TP63: variants seen among roughly 807,000 people sequenced by gnomAD.
The protein encoded by TP63 is tumor protein 63.
Under a neutral mutation model 82.8 loss-of-function variants are expected in TP63, and 17 were observed. The ratio of observed to expected loss-of-function variants is 0.21; its 90% CI spans 0.14 to 0.31. TP63 has a LOEUF of 0.31. Ranked by LOEUF, TP63 falls within the 10% of genes least tolerant of loss-of-function variation. The pLI is 1.00. For missense variants in TP63, 648 were observed against 895.3 expected (o/e 0.72, Z 3.52); for synonymous variants, 330 against 321.7 (o/e 1.03, Z -0.28).
intron 1 of TP63, among the ~76,000 whole-genome samples, chr3:189,682,550 AAAAATAT>A (rs1248436229): frequency 2.0e-4 from 9 of 45,190 alleles, no homozygotes; most frequent in African/African-American, 8.2e-4. Context: ...AAAAAAAAAA[AAAAATAT>A]ATATATATAT....
chr3:189,703,335 G>C (rs911211339), intron 1 of TP63, among the ~76,000 whole-genome samples: 4 of 152,188 alleles, frequency 2.6e-5, no homozygotes, highest in African/African-American at 9.7e-5. Flanking sequence ...TCAGGAGGCT[G>C]AGGCAGGAGG....
intron 1 of TP63, among the ~76,000 whole-genome samples, chr3:189,654,773 T>C (rs937710201): frequency 1.3e-5 from 2 of 152,200 alleles, no homozygotes; most frequent in African/African-American, 4.8e-5. Context: ...GTGTGCTGAG[T>C]TTCACTCAGA....
At chr3:189,742,270 A>G (rs9290905) in intron 3 of TP63, among the ~76,000 whole-genome samples, 1 of 136,910 alleles carries the variant, frequency 7.3e-6, no homozygotes, top group Non-Finnish European at 1.5e-5. Flanking sequence ...AAAAAAAAAA[A>G]GTTACTTTAT....
At chr3:189,763,152 T>A (rs1020741663) in intron 3 of TP63, among the ~76,000 whole-genome samples, 2 of 152,106 alleles carry the variant, frequency 1.3e-5, no homozygotes, top group Non-Finnish European at 1.5e-5. Context: ...TGCATGCCTG[T>A]ATTCCCAACT....
chr3:189,798,112 T>G (rs1443646597), intron 3 of TP63, among the ~76,000 whole-genome samples: 3 of 152,056 alleles, frequency 2.0e-5, no homozygotes. Flanking sequence ...TAATGTTCCC[T>G]GAATGTGATG....
At chr3:189,689,251 G>C (rs1344905130) in intron 1 of TP63, among the ~76,000 whole-genome samples, 1 of 151,394 alleles carries the variant, frequency 6.6e-6, no homozygotes, top group Admixed American at 6.6e-5. Context: ...GAGTAGCTGG[G>C]ATTACAGGCA....
At chr3:189,732,454 A>T (rs1720242001) in intron 1 of TP63, among the ~76,000 whole-genome samples, 1 of 152,202 alleles carries the variant, frequency 6.6e-6, no homozygotes, top group Non-Finnish European at 1.5e-5. Flanking sequence ...TTTTTATGTG[A>T]CACTTTAAAA....
chr3:189,745,057 T>C (rs1721265961), intron 3 of TP63, among the ~76,000 whole-genome samples: 1 of 152,210 alleles, frequency 6.6e-6, no homozygotes, highest in African/African-American at 2.4e-5. Context: ...CAGTATATAC[T>C]GAGAATAAAA....
intron 1 of TP63, among the ~76,000 whole-genome samples, chr3:189,656,011 A>G (rs1713320421): frequency 6.6e-6 from 1 of 152,214 alleles, no homozygotes; most frequent in Non-Finnish European, 1.5e-5. Context: ...CTCTTGCCTT[A>G]TCCAGGTTTA....
In TP63 at chr3:189,896,185, A is replaced by G. The variant is rs569190613; in HGVS notation, c.*1683A>G. 4.6e-6 allele frequency: 1 copy of G among 219,774 alleles called. No homozygotes were observed. Among genetic ancestry groups the G allele is most frequent in the African/African-American group, 2.2e-5 (1 of 44,678 alleles). 13.6% of individuals were successfully genotyped at this position (219,774 alleles called of 1,614,324 possible). The stretch of plus-strand genomic sequence containing the variant: ...GCACATAAGCTTCCATTTTAATTTT[A>G]AAGTGCAAAAGGGCCAGCGTGGCTC... On this transcript the variant is annotated 3_prime_UTR_variant, in exon 14 of 14. Coordinates refer to ENST00000264731, the MANE Select transcript of TP63 (RefSeq NM_003722.5).
chr3:189,874,072 T>A (rs1718745428), intron 10 of TP63, among the ~76,000 whole-genome samples: 1 of 152,096 alleles, frequency 6.6e-6, no homozygotes, highest in Admixed American at 6.6e-5. Flanking sequence ...AAAGAGGGCT[T>A]ATGATTATTA....
At chr3:189,741,569 A>G (rs1191022034) in intron 3 of TP63, among the ~76,000 whole-genome samples, 1 of 152,216 alleles carries the variant, frequency 6.6e-6, no homozygotes, top group Non-Finnish European at 1.5e-5. Flanking sequence ...CTTAAATATA[A>G]TATTCATTAA....
In TP63 at chr3:189,812,730, T is replaced by TG. The variant is rs1370930375; in HGVS notation, c.579+4205dup. Among the ~76,000 whole-genome samples the TG allele has an allele frequency of 2.6e-5, 4 of 152,268 alleles. No individual in the cohort carries two copies. In the East Asian group the frequency reaches 7.7e-4, roughly 29 times the overall value. On this transcript the variant is annotated intron_variant, in intron 4 of 13. Coordinates refer to ENST00000264731, the MANE Select transcript of TP63 (RefSeq NM_003722.5). ...ACCTATTAGCACCTAGCTACTCATATGCTCCCAAGTGTTTATTGGGTCTGA... is the reference window on the plus strand; with the variant it reads ...ACCTATTAGCACCTAGCTACTCATATGGCTCCCAAGTGTTTATTGGGTCTGA...
intron 5 of TP63, 36 bp from the exon 6 acceptor site, chr3:189,866,646 A>G (rs1717760065): frequency 6.3e-7 from 1 of 1,576,864 alleles, no homozygotes; most frequent in Non-Finnish European, 8.7e-7. Flanking sequence ...TTTTTAAGGT[A>G]AAGAACTAAC....
chr3:189,742,333 A>G (rs1238679663), intron 3 of TP63, among the ~76,000 whole-genome samples: 1 of 151,014 alleles, frequency 6.6e-6, no homozygotes, highest in East Asian at 2.0e-4. Flanking sequence ...TCATGTCTTC[A>G]TGAGGTAGAT....
chr3:189,864,347 A>G lies in TP63; in HGVS notation c.695A>G (p.Lys232Arg). 8 of 1,614,166 alleles carry G rather than the reference A, an allele frequency of 5.0e-6. No homozygotes were observed. The highest frequency in any genetic ancestry group is 6.8e-6 in the Non-Finnish European group (8 of 1,180,020). Residue 232 changes from lysine to arginine, a missense_variant, in exon 5 of 14, where the codon AAA (lysine) becomes AGA (arginine). Lys to Arg is a conservative substitution (Grantham distance 26). Transcript: ENST00000264731. ...GTTATCCGCGCCATGCCTGTCTACA[A>G]AAAAGCTGAGCACGTCACGGAGGTG... ...GAVIRAMPVY[K>R]KAEHVTEVVK...
the TP63 span, among the ~76,000 whole-genome samples, chr3:189,625,163 T>G: frequency 1.3e-5 from 2 of 152,302 alleles, no homozygotes; most frequent in Non-Finnish European, 2.9e-5. Context: ...GCTAAGGTAC[T>G]TCCCTGGACC....
intron 3 of TP63, among the ~76,000 whole-genome samples, chr3:189,775,589 A>G (rs191666196): frequency 2.6e-5 from 4 of 152,282 alleles, no homozygotes; most frequent in African/African-American, 9.6e-5. Context: ...TTGGGCAACT[A>G]TTATACTTCT....
At position 189,631,465 on chromosome 3, in the gene TP63, T is replaced by C; in HGVS notation, c.-51T>C. ...CTATATATACACAGGTATATGTGTA[T>C]ATTTTATATAATTGTTCTCCGTTCG... On this transcript the variant is annotated 5_prime_UTR_variant, in exon 1 of 14. Transcript: ENST00000264731. 2 of 1,610,806 alleles carry C rather than the reference T, an allele frequency of 1.2e-6. No homozygotes were observed. Among genetic ancestry groups the C allele is most frequent in the Non-Finnish European group, 1.7e-6 (2 of 1,177,956 alleles).
Sources: gnomAD v4.1 joint callset for allele counts (sites outside exome capture counted in the v4.1 genomes callset) on GRCh38, gnomAD v4.1.1 for gene constraint, MANE v1.5 for transcripts, NCBI Gene and HGNC (gene_info 2026-07-23, HGNC 2026-07-21) for gene names.